Variants in SDCBP2 observed in about 807,000 individuals in gnomAD.
SDCBP2 encodes the protein syntenin-2.
A neutral mutation model predicts 30.7 loss-of-function variants in SDCBP2; 28 were observed. The observed-to-expected ratio is 0.91, with a 90% CI of 0.68 to 1.25. The LOEUF is 1.25. SDCBP2 is among the 50% of genes most tolerant of loss of function. The pLI, the probability that SDCBP2 is intolerant of heterozygous loss-of-function variation, is 0.00. For missense variants in SDCBP2, 399 were observed against 379.0 expected (o/e 1.05, Z -0.44); for synonymous variants, 166 against 157.3 (o/e 1.06, Z -0.41).
Position 1,312,585 on chromosome 20 carries a change from ACCTGT to A in SDCBP2, c.557_560+1del. On this transcript the variant is annotated splice_donor_variant and coding_sequence_variant, in exon 6 of 9. Transcript: ENST00000360779. LOFTEE classifies it high-confidence loss of function. ...AGAGGCTGCCCGGGCCTGGCTACTC[ACCTGT>A]CCCGAACCACCACGACAATCTTATC... 14 of 1,613,510 alleles carry A rather than the reference ACCTGT, an allele frequency of 8.7e-6. No individual in the cohort carries two copies. The highest frequency in any genetic ancestry group is 1.1e-5 in the Non-Finnish European group (13 of 1,179,680).
intron 5 of SDCBP2, 113 bp from the exon 6 acceptor site, chr20:1,312,875 A>T (rs761810200): frequency 9.1e-6 from 11 of 1,203,324 alleles, no homozygotes; most frequent in African/African-American, 1.5e-5. Flanking sequence ...GGTGCCAGGG[A>T]CACAGCTCTG....
rs370427266 is a variant in SDCBP2, at chr20:1,312,615, C to A, written c.532G>T (p.Asp178Tyr). 4.3e-6 allele frequency: 7 copies of A among 1,613,984 alleles called. No individual in the cohort carries two copies. Among genetic ancestry groups the A allele is most frequent in the Non-Finnish European group, 8.5e-7 (1 of 1,179,990 alleles). The change falls in exon 6 of 9, where the codon GAT becomes TAT. Residue 178 changes from aspartate (D) to tyrosine (Y), a missense_variant. By Grantham distance (160) the Asp-to-Tyr change is radical (BLOSUM62 -3). Coordinates refer to ENST00000360779, the MANE Select transcript of SDCBP2 (RefSeq NM_080489.5). ...TCCCGAACCACCACGACAATCTTAT[C>A]GCCTGATGCCTTCTTCACCACCTGA... ...AHQVVKKASG[D>Y]KIVVVVRDRP...
intron 7 of SDCBP2, 23 bp downstream of exon 7, chr20:1,312,314 C>G: frequency 6.2e-7 from 1 of 1,607,648 alleles, no homozygotes; most frequent in Non-Finnish European, 8.5e-7. Context: ...GGCAGTCCCT[C>G]CCTGGTGCGG....
At chr20:1,325,032 C>G (rs2088899464) in intron 1 of SDCBP2, among the ~76,000 whole-genome samples, 1 of 152,290 alleles carries the variant, frequency 6.6e-6, no homozygotes, top group African/African-American at 2.4e-5. Flanking sequence ...GGAACCATCA[C>G]CTGGGCTGCA....
In SDCBP2 at chr20:1,326,316, C is replaced by T. The variant is rs184282432; in HGVS notation, c.-20+2769G>A. ...GCTATGTCAGAAATCTGGGAGTTATCCTCAGCTCCTCCCTTTCCCTTCTGA... is the reference window on the plus strand; with the variant it reads ...GCTATGTCAGAAATCTGGGAGTTATTCTCAGCTCCTCCCTTTCCCTTCTGA... On this transcript the variant is annotated intron_variant, in intron 1 of 8. Coordinates refer to ENST00000360779, the MANE Select transcript of SDCBP2 (RefSeq NM_080489.5). Among the ~76,000 whole-genome samples, 604 of 152,362 alleles carry T rather than the reference C, an allele frequency of 4.0e-3. 2 individuals are homozygous for T. Among genetic ancestry groups the T allele is most frequent in the Admixed American group, 6.8e-3 (104 of 15,308 alleles).
intron 2 of SDCBP2, 44 bp from the exon 3 acceptor site, chr20:1,319,703 C>T: frequency 6.8e-7 from 1 of 1,469,970 alleles, no homozygotes; most frequent in Non-Finnish European, 9.1e-7. Context: ...GCCAGGACCC[C>T]AGGAACCCCA....
intron 1 of SDCBP2, chr20:1,325,588 C>A (rs1322359676): frequency 6.6e-6 from 1 of 152,236 alleles, no homozygotes; most frequent in Non-Finnish European, 1.5e-5. Context: ...CCCTCTTTAC[C>A]GGATTGGAGG....
intron 7 of SDCBP2, among the ~76,000 whole-genome samples, chr20:1,311,410 G>T (rs896326005): frequency 6.6e-6 from 1 of 152,080 alleles, no homozygotes; most frequent in Non-Finnish European, 1.5e-5. Flanking sequence ...AAAAGAGATG[G>T]GCCTGCAGAC....
At position 1,312,369 on chromosome 20, in the gene SDCBP2, C is replaced by T. The variant is rs2088687603; in HGVS notation, c.700G>A (p.Glu234Lys). 1 of 1,613,396 alleles carries T rather than the reference C, an allele frequency of 6.2e-7. No individual in the cohort carries two copies. The change falls in exon 7 of 9, where the codon GAG (glutamate) becomes AAG (lysine). Residue 234 changes from glutamate (E) to lysine (K), a missense_variant. Glu to Lys is a moderately conservative substitution (Grantham distance 56). Transcript: ENST00000360779. Reference sequence around the variant, plus strand: ...CCGATAACATTCTGCCCGTCCACCTCACACACGTAGTGGTTGGTGAGGAGC... The same window carrying T: ...CCGATAACATTCTGCCCGTCCACCTTACACACGTAGTGGTTGGTGAGGAGC... ...NGLLTNHYVCEVDGQNVIGLK... is the reference protein window; with the variant it reads ...NGLLTNHYVCKVDGQNVIGLK...
intron 1 of SDCBP2, chr20:1,325,722 G>A (rs1273741163): frequency 6.6e-6 from 1 of 152,212 alleles, no homozygotes; most frequent in Non-Finnish European, 1.5e-5. Flanking sequence ...GAACCAGGTC[G>A]GCCCGCGCGC....
At position 1,310,782 on chromosome 20, in the gene SDCBP2, G is replaced by C. The variant is rs762813104; in HGVS notation, c.824+18C>G. 6.2e-7 allele frequency: 1 copy of C among 1,601,008 alleles called. No individual in the cohort carries two copies. Among genetic ancestry groups the C allele is most frequent in the Non-Finnish European group, 8.5e-7 (1 of 1,169,814 alleles). On this transcript the variant is annotated intron_variant, in intron 8 of 8. Transcript: ENST00000360779. Reference sequence around the variant, plus strand: ...GCAGAGGAGGGGTGAGGAGGGGTGAGGAGGGGTGCAGCCTTACTTTTTGAC... The same window carrying C: ...GCAGAGGAGGGGTGAGGAGGGGTGACGAGGGGTGCAGCCTTACTTTTTGAC...
intron 1 of SDCBP2, chr20:1,325,718 G>A (rs1320730541): frequency 1.3e-5 from 2 of 152,108 alleles, no homozygotes; most frequent in Non-Finnish European, 2.9e-5. Context: ...AGGAGAACCA[G>A]GTCGGCCCGC....
At chr20:1,318,620 G>A (rs1163246400) in intron 3 of SDCBP2, among the ~76,000 whole-genome samples, 1 of 152,162 alleles carries the variant, frequency 6.6e-6, no homozygotes, top group Non-Finnish European at 1.5e-5. Flanking sequence ...AGGACACCGA[G>A]TCCTCATGCA....
rs897027384 is a variant in SDCBP2 at position 1,310,205 on chromosome 20, C to T, written c.*236G>A. On this transcript the variant is annotated 3_prime_UTR_variant, in exon 9 of 9. Coordinates refer to ENST00000360779, the MANE Select transcript of SDCBP2 (RefSeq NM_080489.5). ...CCTCCGTGTCCAGCATTTAAATCAGCACAAGAGAATCGGCTGCCTGTGGGC... is the reference window on the plus strand; with the variant it reads ...CCTCCGTGTCCAGCATTTAAATCAGTACAAGAGAATCGGCTGCCTGTGGGC... 2 of 473,876 alleles carry T rather than the reference C, an allele frequency of 4.2e-6. No individual in the cohort carries two copies. Among genetic ancestry groups the T allele is most frequent in the Non-Finnish European group, 7.5e-6 (2 of 265,030 alleles). The allele number at this position is 473,876 out of a possible 1,614,324, so 29.4% of individuals were successfully genotyped here.
chr20:1,311,325 C>T (rs987876610), intron 7 of SDCBP2, among the ~76,000 whole-genome samples: 1 of 152,198 alleles, frequency 6.6e-6, no homozygotes, highest in African/African-American at 2.4e-5. Flanking sequence ...ACCCATCCAC[C>T]CTCTGGCTCC....
intron 1 of SDCBP2, among the ~76,000 whole-genome samples, chr20:1,326,282 C>T (rs1192691428): frequency 6.6e-6 from 1 of 152,216 alleles, no homozygotes; most frequent in Non-Finnish European, 1.5e-5. Flanking sequence ...TCACTGAATC[C>T]ACCCATGGGC....
At chr20:1,327,762 G>A (rs565226195) in intron 1 of SDCBP2, among the ~76,000 whole-genome samples, 143 of 152,384 alleles carry the variant, frequency 9.4e-4, no homozygotes, top group Non-Finnish European at 1.8e-3. Context: ...GGTGTATATG[G>A]AAAGCATTTA....
At position 1,318,423 on chromosome 20, in the gene SDCBP2, T is replaced by C. The variant is rs2088809716; in HGVS notation, c.125-5A>G. On this transcript the variant is annotated splice_polypyrimidine_tract_variant and splice_region_variant and intron_variant, in intron 3 of 8. Transcript: ENST00000360779. Reference sequence around the variant, plus strand: ...CTGCCAAGTTTGGGTACAAAACTGATAGGGAAAGAAGGAAGAATAAATGTG... The same window carrying C: ...CTGCCAAGTTTGGGTACAAAACTGACAGGGAAAGAAGGAAGAATAAATGTG... The C allele has an allele frequency of 2.6e-6, 4 of 1,566,204 alleles. No homozygotes were observed. The highest frequency in any genetic ancestry group is 3.5e-6 in the Non-Finnish European group (4 of 1,143,978).
chr20:1,315,011 CTT>C (rs2088755361), intron 4 of SDCBP2, among the ~76,000 whole-genome samples: 1 of 152,142 alleles, frequency 6.6e-6, no homozygotes, highest in Non-Finnish European at 1.5e-5. Flanking sequence ...TTAGTCTAAA[CTT>C]TATATGAAAA....
Sources: allele counts gnomAD v4.1 joint callset (sites outside exome capture counted in the v4.1 genomes callset), GRCh38; gene constraint gnomAD v4.1.1; transcripts MANE v1.5; gene names NCBI Gene and HGNC (gene_info 2026-07-23, HGNC 2026-07-21).